Variants in ALK observed in about 807,000 individuals in gnomAD.
ALK encodes the protein ALK tyrosine kinase receptor.
ALK carries 74 observed loss-of-function variants against 163.1 expected under a neutral mutation model. The observed-to-expected ratio is 0.45, with a 90% CI of 0.38 to 0.55. The LOEUF is 0.55. Among genes scored for constraint, ALK ranks in the 20% least tolerant of loss-of-function variants. The pLI is 0.00. For synonymous variants in ALK, 960 were observed against 843.2 expected (o/e 1.14, Z -2.40); for missense variants, 2,063 against 2,105.3 (o/e 0.98, Z 0.39).
chr2:29,288,391 C>T (rs962498389), intron 9 of ALK, among the ~76,000 whole-genome samples: 1 of 152,142 alleles, frequency 6.6e-6, no homozygotes, highest in Non-Finnish European at 1.5e-5. Flanking sequence ...GATCTGGCAC[C>T]CCAGTCTGTG....
intron 3 of ALK, among the ~76,000 whole-genome samples, chr2:29,694,364 T>C (rs948825377): frequency 7.2e-5 from 11 of 152,188 alleles, no homozygotes; most frequent in African/African-American, 2.2e-4. Flanking sequence ...CAAATTAGGA[T>C]TGCCAGATCT....
chr2:29,403,709 C>CAAAAAAAAAAAAAAA (rs67270103), intron 4 of ALK, among the ~76,000 whole-genome samples: 7 of 74,188 alleles, frequency 9.4e-5, no homozygotes, highest in East Asian at 5.4e-4. Flanking sequence ...CAGGTCTCTA[C>CAAAAAAAAAAAAAAA]AAAAAAAAAA....
intron 5 of ALK, among the ~76,000 whole-genome samples, chr2:29,329,465 G>T (rs1324205867): frequency 2.6e-5 from 4 of 152,164 alleles, no homozygotes; most frequent in East Asian, 1.9e-4. Context: ...AGCAGGTAGG[G>T]CTCACCTGGG....
intron 1 of ALK, among the ~76,000 whole-genome samples, chr2:29,796,631 G>C (rs1664317170): frequency 6.6e-6 from 1 of 152,140 alleles, no homozygotes; most frequent in South Asian, 2.1e-4. Flanking sequence ...GGCCCTGTCT[G>C]CTTCAACCCA....
intron 3 of ALK, among the ~76,000 whole-genome samples, chr2:29,568,831 T>C (rs989093404): frequency 1.3e-5 from 2 of 152,094 alleles, no homozygotes; most frequent in Admixed American, 1.3e-4. Context: ...TGGGACTAGG[T>C]GGAAAAACAA....
chr2:29,727,828 T>G (rs1237496438), intron 1 of ALK, among the ~76,000 whole-genome samples: 1 of 151,668 alleles, frequency 6.6e-6, no homozygotes, highest in Non-Finnish European at 1.5e-5. Context: ...GTGATCAATG[T>G]TACCCTTGGC....
intron 4 of ALK, among the ~76,000 whole-genome samples, chr2:29,390,605 T>G (rs891761050): frequency 6.6e-6 from 1 of 151,936 alleles, no homozygotes; most frequent in Admixed American, 6.6e-5. Context: ...TGAACCTCTC[T>G]CTCTAATCTT....
chr2:29,672,310 A>T (rs1332649205), intron 3 of ALK, among the ~76,000 whole-genome samples: 3 of 150,734 alleles, frequency 2.0e-5, no homozygotes, highest in Non-Finnish European at 4.4e-5. Flanking sequence ...ATATCTCCCA[A>T]TGCTATCCCT....
intron 1 of ALK, among the ~76,000 whole-genome samples, chr2:29,916,705 G>A (rs191770467): frequency 6.6e-6 from 1 of 152,308 alleles, no homozygotes; most frequent in Non-Finnish European, 1.5e-5. Flanking sequence ...GGGAGGGAGT[G>A]CTTACAGGGA....
intron 3 of ALK, among the ~76,000 whole-genome samples, chr2:29,589,249 T>A (rs1175340096): frequency 3.3e-5 from 5 of 152,162 alleles, no homozygotes; most frequent in Non-Finnish European, 7.4e-5. Flanking sequence ...CTCCCTCACT[T>A]GCATTTGCCT....
intron 1 of ALK, among the ~76,000 whole-genome samples, chr2:29,721,697 C>T (rs1402498555): frequency 1.3e-5 from 2 of 152,204 alleles, no homozygotes; most frequent in Non-Finnish European, 2.9e-5. Flanking sequence ...GTGCTAGTCT[C>T]GTCTCTTCTC....
chr2:29,867,179 C>G (rs1379429758), intron 1 of ALK, among the ~76,000 whole-genome samples: 3 of 152,142 alleles, frequency 2.0e-5, no homozygotes, highest in Admixed American at 1.3e-4. Flanking sequence ...AAACAGTCCC[C>G]ATTTTATCAA....
chr2:29,770,184 G>A (rs1188752278), intron 1 of ALK, among the ~76,000 whole-genome samples: 1 of 152,054 alleles, frequency 6.6e-6, no homozygotes, highest in Non-Finnish European at 1.5e-5. Flanking sequence ...GTGTAGGAAG[G>A]AGTGAGTTTT....
chr2:29,210,517 C>G (rs1418736621), intron 24 of ALK, among the ~76,000 whole-genome samples: 4 of 152,144 alleles, frequency 2.6e-5, no homozygotes, highest in Non-Finnish European at 5.9e-5. Flanking sequence ...ACTGCAACCT[C>G]TGCCTCCCGG....
At chr2:29,311,942 C>T (rs559671602) in intron 8 of ALK, among the ~76,000 whole-genome samples, 1 of 152,228 alleles carries the variant, frequency 6.6e-6, no homozygotes, top group Non-Finnish European at 1.5e-5. Context: ...CTCCCATGCC[C>T]ATGCTGGCTG....
intron 7 of ALK, among the ~76,000 whole-genome samples, chr2:29,319,450 C>G (rs1048467302): frequency 7.9e-5 from 12 of 152,138 alleles, no homozygotes; most frequent in Non-Finnish European, 1.8e-4. Flanking sequence ...TGACTGGGGA[C>G]AGAAAAGCCC....
chr2:29,759,223 C>A (rs1024231455), intron 1 of ALK, among the ~76,000 whole-genome samples: 1 of 152,192 alleles, frequency 6.6e-6, no homozygotes, highest in Non-Finnish European at 1.5e-5. Context: ...GAATATTCAT[C>A]ATCTTTCACC....
chr2:29,280,830 A>G (rs930183022), intron 9 of ALK, among the ~76,000 whole-genome samples: 2 of 148,234 alleles, frequency 1.3e-5, no homozygotes, highest in Non-Finnish European at 3.0e-5. Flanking sequence ...TGCCAGGTAT[A>G]CCACTCTGGG....
chr2:29,662,710 G>A (rs1677386066), intron 3 of ALK, among the ~76,000 whole-genome samples: 1 of 126,808 alleles, frequency 7.9e-6, no homozygotes, highest in African/African-American at 2.9e-5. Context: ...CTTCTTTCCA[G>A]AAATATCCTC....
Sources: allele counts gnomAD v4.1 joint callset (sites outside exome capture counted in the v4.1 genomes callset), GRCh38; gene constraint gnomAD v4.1.1; transcripts MANE v1.5; gene names NCBI Gene and HGNC (gene_info 2026-07-23, HGNC 2026-07-21).